STAC: variants seen among roughly 807,000 people sequenced by gnomAD.
STAC encodes the protein SH3 and cysteine-rich domain-containing protein.
STAC carries 43 observed loss-of-function variants against 48.8 expected under a neutral mutation model. The observed-to-expected ratio is 0.88, with a 90% CI of 0.69 to 1.14. The LOEUF (loss-of-function observed/expected upper bound fraction) is 1.14. Ranked by LOEUF, STAC falls within the 50% of genes most tolerant of loss-of-function variation. The pLI is 0.00. For missense variants in STAC, 497 were observed against 504.0 expected, an observed-to-expected ratio of 0.99 and a Z score of 0.13; for synonymous variants, 193 against 179.5, an observed-to-expected ratio of 1.07 and a Z score of -0.60.
chr3:36,425,181 A>G (rs1015383270), intron 1 of STAC, among the ~76,000 whole-genome samples: 2 of 152,200 alleles, frequency 1.3e-5, no homozygotes, highest in African/African-American at 2.4e-5. Context: ...GGAGCAACCC[A>G]GAAAATACTA....
intron 1 of STAC, among the ~76,000 whole-genome samples, chr3:36,401,858 T>C (rs1431966213): frequency 7.2e-5 from 11 of 152,160 alleles, no homozygotes; most frequent in Non-Finnish European, 1.6e-4. Flanking sequence ...TGCAGCATGA[T>C]CATCATGGCA....
At chr3:36,496,952 G>A (rs1698165144) in intron 6 of STAC, among the ~76,000 whole-genome samples, 1 of 151,942 alleles carries the variant, frequency 6.6e-6, no homozygotes, top group African/African-American at 2.4e-5. Flanking sequence ...AAAAAGGGCT[G>A]GGTTAACCAC....
chr3:36,405,033 A>G (rs1022481248), intron 1 of STAC, among the ~76,000 whole-genome samples: 1 of 152,178 alleles, frequency 6.6e-6, no homozygotes, highest in African/African-American at 2.4e-5. Context: ...AATTTAAAAT[A>G]TCATACGATT....
In STAC at chr3:36,443,367, C is replaced by G; in HGVS notation, c.115C>G (p.Gln39Glu). ...ASTSSQESKL[Q>E]KLKRSLSFKT... ...CTGTTCTGTCATTGCATTGCAGCTC[C>G]AGAAACTAAAACGATCACTTTCTTT... is the stretch of plus-strand genomic sequence containing the variant. Residue 39 changes from glutamine (Q) to glutamate (E), a missense_variant, in exon 2 of 11, where the codon CAG becomes GAG. Transcript: ENST00000273183. The surrounding 1 kb of genome is among the most constrained non-coding windows in gnomAD (Gnocchi z 4.2). 1 of 1,614,154 alleles carries G rather than the reference C, an allele frequency of 6.2e-7. No homozygotes were observed. The highest frequency in any genetic ancestry group is 8.5e-7 in the Non-Finnish European group (1 of 1,180,022).
intron 1 of STAC, among the ~76,000 whole-genome samples, chr3:36,439,486 C>T (rs180976137): frequency 6.6e-6 from 1 of 152,306 alleles, no homozygotes; most frequent in East Asian, 1.9e-4. Context: ...CAGTAGGGAG[C>T]AAACAGTAAA....
intron 2 of STAC, among the ~76,000 whole-genome samples, chr3:36,480,412 C>T (rs1336238636): frequency 1.3e-5 from 2 of 152,156 alleles, no homozygotes; most frequent in Admixed American, 1.3e-4. Flanking sequence ...TAAATGATGC[C>T]ATCCTGAAGA....
chr3:36,439,387 C>G (rs1696254262), intron 1 of STAC, among the ~76,000 whole-genome samples: 1 of 152,154 alleles, frequency 6.6e-6, no homozygotes, highest in Admixed American at 6.5e-5. Context: ...AGGGCTCTCC[C>G]ACACATTATC....
At chr3:36,457,500 A>T (rs1014533948) in intron 2 of STAC, among the ~76,000 whole-genome samples, 1 of 152,202 alleles carries the variant, frequency 6.6e-6, no homozygotes, top group Non-Finnish European at 1.5e-5. Flanking sequence ...CTAGGAAAGG[A>T]GTCTGGAAAT....
At chr3:36,471,487 CA>C (rs1353569190) in intron 2 of STAC, among the ~76,000 whole-genome samples, 1 of 152,142 alleles carries the variant, frequency 6.6e-6, no homozygotes, top group Admixed American at 6.5e-5. Context: ...AGCATTAACC[CA>C]AAAGTCCACA....
Position 36,450,598 on chromosome 3 carries a change from T to G in STAC, c.388+6958T>G, listed in dbSNP as rs952019254. On this transcript the variant is annotated intron_variant, in intron 2 of 10. Coordinates refer to ENST00000273183, the MANE Select transcript of STAC (RefSeq NM_003149.3). ...TGGAGTGCAGTGGCACAATCTTGGC[T>G]CACTGCAACCTCCACCTTCCAGGTT... is the stretch of plus-strand genomic sequence containing the variant. Among the ~76,000 whole-genome samples, 9 of 152,346 alleles carry G rather than the reference T, an allele frequency of 5.9e-5. No homozygotes were observed. The East Asian group carries it at 1.7e-3, about 29-fold the overall frequency.
chr3:36,474,099 T>C (rs1277452308), intron 2 of STAC, among the ~76,000 whole-genome samples: 3 of 152,296 alleles, frequency 2.0e-5, no homozygotes, highest in East Asian at 1.9e-4. Context: ...GTAGTATATA[T>C]AGTGGGCTGT....
At chr3:36,408,566 C>T (rs777017037) in intron 1 of STAC, among the ~76,000 whole-genome samples, 28 of 152,148 alleles carry the variant, frequency 1.8e-4, no homozygotes, top group Non-Finnish European at 3.5e-4. Flanking sequence ...CAATTCTGGC[C>T]GATGAGACCT....
rs1699904880 is a variant in STAC, at chr3:36,398,351, G to GAAAGAAAGAAAGAAAA, written c.111+17612_111+17613insAAAAGAAAGAAAGAAA. On this transcript the variant is annotated intron_variant, in intron 1 of 10. Coordinates refer to ENST00000273183, the MANE Select transcript of STAC (RefSeq NM_003149.3). ...AGAAAGAAAGAAAGAAAGAAAGAAA[G>GAAAGAAAGAAAGAAAA]AAAGAAAGAAAGAAAGAAAAGAAAG... 2.3e-5 allele frequency among the ~76,000 whole-genome samples: 3 copies of GAAAGAAAGAAAGAAAA among 133,140 alleles called. 1 individual carries two copies. Among genetic ancestry groups the GAAAGAAAGAAAGAAAA allele is most frequent in the Non-Finnish European group, 5.0e-5 (3 of 60,354 alleles). 87.3% of individuals were successfully genotyped at this position (133,140 alleles called of 152,430 possible).
chr3:36,535,555 A>C (rs1332342619), intron 10 of STAC, among the ~76,000 whole-genome samples: 1 of 152,212 alleles, frequency 6.6e-6, no homozygotes, highest in Non-Finnish European at 1.5e-5. Context: ...CCAATTTTCA[A>C]GGAGAATGCT....
intron 2 of STAC, among the ~76,000 whole-genome samples, chr3:36,445,250 C>G (rs889835323): frequency 6.6e-6 from 1 of 152,076 alleles, no homozygotes; most frequent in African/African-American, 2.4e-5. Flanking sequence ...TTTTGAATAT[C>G]ACTAAAAAAA....
chr3:36,380,665 C>G lies in STAC; in HGVS notation c.22C>G (p.Arg8Gly). 6.2e-7 allele frequency: 1 copy of G among 1,601,284 alleles called. No homozygotes were observed. The highest frequency in any genetic ancestry group is 8.5e-7 in the Non-Finnish European group (1 of 1,174,402). ...CACGATGATCCCTCCGAGCAGCCCCCGCGAGGACGGCGTGGACGGGCTGCC... is the reference window on the plus strand; with the variant it reads ...CACGATGATCCCTCCGAGCAGCCCCGGCGAGGACGGCGTGGACGGGCTGCC... Reference protein sequence around the residue: MIPPSSPREDGVDGLPKE... With the variant: MIPPSSPGEDGVDGLPKE... Residue 8 changes from arginine (R) to glycine (G), a missense_variant, in exon 1 of 11, where the codon CGC (arginine) becomes GGC (glycine). Transcript: ENST00000273183.
At chr3:36,530,770 A>G (rs940389087) in intron 10 of STAC, among the ~76,000 whole-genome samples, 1 of 150,954 alleles carries the variant, frequency 6.6e-6, no homozygotes, top group African/African-American at 2.4e-5. Flanking sequence ...TAATTTTTTT[A>G]TATTTTTAGT....
intron 10 of STAC, among the ~76,000 whole-genome samples, chr3:36,529,653 CATGGCTGGA>C (rs1699018995): frequency 6.6e-6 from 1 of 152,190 alleles, no homozygotes; most frequent in Admixed American, 6.5e-5. Context: ...TCCACCATCT[CATGGCTGGA>C]ATGTTGATAG....
In STAC at chr3:36,528,739, T is replaced by C. The variant is rs1197371072; in HGVS notation, c.964T>C (p.Trp322Arg). 3 of 1,607,004 alleles carry C rather than the reference T, an allele frequency of 1.9e-6. No individual in the cohort carries two copies. The African/African-American group carries it at 4.0e-5, about 22-fold the overall frequency. ...ITLLEDSNED[W>R]WKGKIQDRIG... ...TCTTTTAGAGGATTCCAATGAAGAC[T>C]GGTGGAAAGTAAGTGTTCCTCTTTC... Residue 322 changes from tryptophan (W) to arginine (R), a missense_variant, in exon 9 of 11, where the codon TGG becomes CGG. Transcript: ENST00000273183.
Sources: allele counts gnomAD v4.1 joint callset (sites outside exome capture counted in the v4.1 genomes callset), GRCh38; gene constraint gnomAD v4.1.1; non-coding constraint Gnocchi (gnomAD v3.1); transcripts MANE v1.5; gene names NCBI Gene and HGNC (gene_info 2026-07-23, HGNC 2026-07-21).